DGKA: variants seen among roughly 807,000 people sequenced by gnomAD.
DGKA encodes 80 kDa diacylglycerol kinase.
In DGKA, 35 loss-of-function variants were observed where a neutral mutation model predicts 105.0. That is an observed-to-expected ratio of 0.33 (90% CI 0.25 to 0.44). The LOEUF (loss-of-function observed/expected upper bound fraction) is 0.44. DGKA is among the 20% of genes least tolerant of loss of function. The probability of loss-of-function intolerance (pLI) is 1.00; values close to 1 mark genes in which losing one functional copy is unlikely to be tolerated. For synonymous variants in DGKA, 296 were observed against 332.0 expected (o/e 0.89, Z 1.18); for missense variants, 665 against 915.0 (o/e 0.73, Z 3.53).
In DGKA at chr12:55,952,068, C is replaced by A. The variant is rs766805326; in HGVS notation, c.1621C>A (p.Arg541=). The change falls in exon 19 of 24, where the codon CGA becomes AGA. Residue 541 remains arginine, a synonymous_variant. Coordinates refer to ENST00000331886, the MANE Select transcript of DGKA (RefSeq NM_001345.5). The surrounding 1 kb of genome is among the most constrained non-coding windows in gnomAD (Gnocchi z 5.1). Reference sequence around the variant, plus strand: ...TATTGCTCATCGATTCCACATCATGCGAGAGAAATATCCGGAGAAGTTCAA... The same window carrying A: ...TATTGCTCATCGATTCCACATCATGAGAGAGAAATATCCGGAGAAGTTCAA... ...ASIAHRFHIM[R]EKYPEKFNSR... 1 of 1,613,928 alleles carries A rather than the reference C, an allele frequency of 6.2e-7. No individual in the cohort carries two copies. Among genetic ancestry groups the A allele is most frequent in the South Asian group, 1.1e-5 (1 of 91,076 alleles).
In DGKA at chr12:55,952,624, C is replaced by T. The variant is rs1378062065; in HGVS notation, c.1744-110C>T. 2.9e-6 allele frequency: 4 copies of T among 1,365,646 alleles called. No individual in the cohort carries two copies. The highest frequency in any genetic ancestry group is 4.1e-6 in the Non-Finnish European group (4 of 968,098). The allele number at this position is 1,365,646 out of a possible 1,614,324, so 84.6% of individuals were successfully genotyped here. A position where few individuals can be genotyped will look rare whatever the true frequency, so the allele number is the denominator to read the frequency against. On this transcript the variant is annotated intron_variant, in intron 20 of 23. Transcript: ENST00000331886. This position sits in a 1 kb window ranked among gnomAD's most constrained non-coding sequence, Gnocchi z 5.1. The stretch of plus-strand genomic sequence containing the variant: ...TTCCATTCCTTGCACACCTCCAAAT[C>T]CTGCCTTCTCCAGTTTGTCATCTGG...
In DGKA at chr12:55,952,425, A is replaced by C; in HGVS notation, c.1737A>C (p.Thr579=). 2 of 1,614,086 alleles carry C rather than the reference A, an allele frequency of 1.2e-6. No individual in the cohort carries two copies. Among genetic ancestry groups the C allele is most frequent in the Non-Finnish European group, 1.7e-6 (2 of 1,179,936 alleles). Residue 579 remains threonine (T), a synonymous_variant, in exon 20 of 24, where the codon ACA becomes ACC. Coordinates refer to ENST00000331886, the MANE Select transcript of DGKA (RefSeq NM_001345.5). The surrounding 1 kb of genome is among the most constrained non-coding windows in gnomAD (Gnocchi z 5.1). ...STCKKLEESL[T]VEICGKPLDL... ...GCAAAAAGCTGGAGGAGTCTTTGAC[A>C]GTTGAGGTGTGTGTAATAAGACTTA...
At chr12:55,937,314 C>T (rs1884957180) in intron 3 of DGKA, 94 bp from the exon 4 acceptor site, 2 of 1,453,612 alleles carry the variant, frequency 1.4e-6, no homozygotes, top group Non-Finnish European at 1.9e-6. Context: ...CTTCTCAGCT[C>T]TGCATTTATT....
chr12:55,947,900 G>A (rs776240607), intron 17 of DGKA, among the ~76,000 whole-genome samples: 13 of 151,706 alleles, frequency 8.6e-5, no homozygotes, highest in Non-Finnish European at 1.9e-4. Context: ...AGCGATTCTC[G>A]TGCCTCAGCC....
intron 1 of DGKA, among the ~76,000 whole-genome samples, chr12:55,934,195 T>C (rs1303026579): frequency 2.6e-5 from 4 of 152,220 alleles, no homozygotes; most frequent in African/African-American, 9.7e-5. Flanking sequence ...GCCTGTCCTC[T>C]CTCCTTTGCA....
At position 55,952,532 on chromosome 12, in the gene DGKA, A is replaced by T; in HGVS notation, c.1743+101A>T. The T allele has an allele frequency of 2.3e-6, 3 of 1,322,834 alleles. No individual in the cohort carries two copies. The highest frequency in any genetic ancestry group is 2.2e-6 in the Non-Finnish European group (2 of 923,084). The allele number at this position is 1,322,834 out of a possible 1,614,324, so 81.9% of individuals were successfully genotyped here. On this transcript the variant is annotated intron_variant, in intron 20 of 23. Coordinates refer to ENST00000331886, the MANE Select transcript of DGKA (RefSeq NM_001345.5). This position sits in a 1 kb window ranked among gnomAD's most constrained non-coding sequence, Gnocchi z 5.1. ...AGGAACTTCCCATATTCTTGAACCT[A>T]TGCTTCTTTAACCTCCCAGCTCTCC... is the stretch of plus-strand genomic sequence containing the variant.
intron 23 of DGKA, 94 bp from the exon 24 acceptor site, chr12:55,953,591 C>A: frequency 1.4e-6 from 2 of 1,430,688 alleles, no homozygotes; most frequent in South Asian, 1.2e-5. Context: ...ACCTAGCAAC[C>A]CACCCCAAAC....
chr12:55,941,208 C>G (rs373914113), intron 13 of DGKA, 44 bp from the exon 14 acceptor site: 1 of 1,585,938 alleles, frequency 6.3e-7, no homozygotes, highest in Non-Finnish European at 8.6e-7. Flanking sequence ...TTAACTCTGA[C>G]AAAATCCTGC....
chr12:55,939,969 C>G, intron 9 of DGKA, 113 bp from the exon 10 acceptor site: 1 of 981,724 alleles, frequency 1.0e-6, no homozygotes, highest in Admixed American at 1.8e-5. Flanking sequence ...AACTTTTATT[C>G]TGCTACACCC....
intron 6 of DGKA, 156 bp downstream of exon 6, chr12:55,938,716 G>A: frequency 6.4e-7 from 1 of 1,559,136 alleles, no homozygotes; most frequent in Non-Finnish European, 8.7e-7. Context: ...CCAAGCTCTT[G>A]ACCCCTCAAA....
At chr12:55,930,015 G>T (rs1883300408), upstream of DGKA, among the ~76,000 whole-genome samples, 1 of 152,230 alleles carries the variant, frequency 6.6e-6, no homozygotes, top group Non-Finnish European at 1.5e-5. Flanking sequence ...AAAGCTGAGT[G>T]CCTTAGAGAT....
upstream of DGKA, among the ~76,000 whole-genome samples, chr12:55,928,676 CAAAAAAAAAAAAAA>C (rs56280303): frequency 4.2e-5 from 2 of 47,268 alleles, no homozygotes; most frequent in South Asian, 1.3e-3. Context: ...GACCCCGTCT[CAAAAAAAAAAAAAA>C]AAAAAAAAAA....
intron 4 of DGKA, 83 bp from the exon 5 acceptor site, chr12:55,937,895 A>G: frequency 8.2e-7 from 1 of 1,225,404 alleles, no homozygotes; most frequent in South Asian, 1.3e-5. Context: ...TTTTAAAAAA[A>G]GGGAGAGGTG....
At chr12:55,951,886 C>T (rs1301412763) in intron 18 of DGKA, 103 bp downstream of exon 18, 6 of 1,528,414 alleles carry the variant, frequency 3.9e-6, no homozygotes, top group Non-Finnish European at 4.5e-6. Context: ...ACCTGTGACA[C>T]AGGGAAATTG....
intron 14 of DGKA, 42 bp from the exon 15 acceptor site, chr12:55,941,468 A>G (rs760002224): frequency 8.1e-6 from 13 of 1,607,328 alleles, no homozygotes; most frequent in Non-Finnish European, 8.5e-6. Flanking sequence ...ATCACCCCCA[A>G]CCCCCGCGCC....
chr12:55,939,358 C>A (rs1197314958), intron 8 of DGKA, 53 bp downstream of exon 8: 11 of 1,613,234 alleles, frequency 6.8e-6, no homozygotes, highest in Non-Finnish European at 9.3e-6. Context: ...GTTATGCTTG[C>A]CCGGATTGGC....
At chr12:55,933,916 C>G (rs1312360929) in intron 1 of DGKA, among the ~76,000 whole-genome samples, 9 of 152,182 alleles carry the variant, frequency 5.9e-5, no homozygotes, top group Admixed American at 5.9e-4. Context: ...CTGTGCCATG[C>G]TGTTTGCTAA....
upstream of DGKA, among the ~76,000 whole-genome samples, chr12:55,928,497 G>A (rs1344932038): frequency 6.6e-6 from 1 of 151,676 alleles, no homozygotes; most frequent in Non-Finnish European, 1.5e-5. Flanking sequence ...CCAAGATGGC[G>A]AAACCCCGTC....
chr12:55,940,912 C>G lies in DGKA; in HGVS notation c.1033C>G (p.Arg345Gly), dbSNP rs757864725. The G allele has an allele frequency of 4.3e-6, 7 of 1,614,106 alleles. No individual in the cohort carries two copies. The highest frequency in any genetic ancestry group is 1.1e-5 in the South Asian group (1 of 91,056). Residue 345 changes from arginine to glycine, a missense_variant, in exon 13 of 24, where the codon CGT (arginine) becomes GGT (glycine). Transcript: ENST00000331886. This position sits in a 1 kb window ranked among gnomAD's most constrained non-coding sequence, Gnocchi z 4.3. The stretch of plus-strand genomic sequence containing the variant: ...CCCCTCCCAGGCCTCTGGACCGGAT[C>G]GTAAAAATAGCAAAACAAGCCAGAA... ...YPSVLASGPD[R>G]KNSKTSQKTM...
Sources: allele counts gnomAD v4.1 joint callset (sites outside exome capture counted in the v4.1 genomes callset), GRCh38; gene constraint gnomAD v4.1.1; non-coding constraint Gnocchi (gnomAD v3.1); transcripts MANE v1.5; gene names NCBI Gene and HGNC (gene_info 2026-07-23, HGNC 2026-07-21).